GPATCH2: variants seen among roughly 807,000 people sequenced by gnomAD.
GPATCH2 encodes G-patch domain containing 2.
GPATCH2 carries 51 observed loss-of-function variants against 58.0 expected under a neutral mutation model. That is an observed-to-expected ratio of 0.88 (90% confidence interval 0.70 to 1.11). The LOEUF is 1.11. Ranked by LOEUF, GPATCH2 falls within the 50% of genes most tolerant of loss-of-function variation. The pLI, the probability that GPATCH2 is intolerant of heterozygous loss-of-function variation, is 0.00. For synonymous variants in GPATCH2, 222 were observed against 218.5 expected (o/e 1.02, Z -0.14); for missense variants, 625 against 652.2 (o/e 0.96, Z 0.45).
chr1:217,518,612 C>G (rs541788774), intron 5 of GPATCH2, among the ~76,000 whole-genome samples: 1 of 152,208 alleles, frequency 6.6e-6, no homozygotes, highest in Non-Finnish European at 1.5e-5. Flanking sequence ...ACAAGAGTCA[C>G]GTAAGATTAA....
intron 6 of GPATCH2, among the ~76,000 whole-genome samples, chr1:217,511,186 T>A (rs1216475134): frequency 2.0e-5 from 3 of 152,174 alleles, no homozygotes; most frequent in Non-Finnish European, 4.4e-5. Flanking sequence ...TTATGATGTA[T>A]TCATTAAATT....
rs1418646083 is a variant in GPATCH2 at position 217,430,151 on chromosome 1, A to G, written c.*994T>C. The stretch of plus-strand genomic sequence containing the variant: ...AACATCTTGGGTCCTAGAAAGGGCA[A>G]ATCAGTACCATTTACTTCTTTTGTT... On this transcript the variant is annotated 3_prime_UTR_variant, in exon 10 of 10. Coordinates refer to ENST00000366935, the MANE Select transcript of GPATCH2 (RefSeq NM_018040.5). 7.0e-6 allele frequency: 1 copy of G among 141,982 alleles called. No homozygotes were observed. Among genetic ancestry groups the G allele is most frequent in the Non-Finnish European group, 1.6e-5 (1 of 63,910 alleles). 8.8% of individuals were successfully genotyped at this position (141,982 alleles called of 1,614,324 possible). A position where few individuals can be genotyped will look rare whatever the true frequency, so the allele number is the denominator to read the frequency against.
intron 5 of GPATCH2, among the ~76,000 whole-genome samples, chr1:217,522,165 G>A (rs1373682406): frequency 6.6e-6 from 1 of 151,976 alleles, no homozygotes; most frequent in African/African-American, 2.4e-5. Context: ...CCTAGTTAAA[G>A]CCATTCTGCA....
intron 5 of GPATCH2, among the ~76,000 whole-genome samples, chr1:217,602,833 G>A (rs1378026475): frequency 6.6e-6 from 1 of 152,102 alleles, no homozygotes; most frequent in African/African-American, 2.4e-5. Flanking sequence ...TACAAAGAAT[G>A]CTTGTGAGTA....
intron 5 of GPATCH2, among the ~76,000 whole-genome samples, chr1:217,541,003 G>A (rs980954503): frequency 2.6e-5 from 4 of 152,138 alleles, no homozygotes; most frequent in South Asian, 2.1e-4. Context: ...TGTGACAACC[G>A]TAACTCCAGT....
rs539961594 is a variant in GPATCH2 at position 217,609,588 on chromosome 1, A to G, written c.1098+733T>C. On this transcript the variant is annotated intron_variant, in intron 5 of 9. Coordinates refer to ENST00000366935, the MANE Select transcript of GPATCH2 (RefSeq NM_018040.5). ...CCAAGTAGAAAGGAAGCTGAACAAA[A>G]TACAAACTCCAGCAAAGATTATCAA... is the stretch of plus-strand genomic sequence containing the variant. The G allele has an allele frequency of 6.9e-5, 68 of 984,712 alleles. No individual in the cohort carries two copies. In the Middle Eastern group the frequency reaches 2.1e-3, roughly 30 times the overall value. The allele number at this position is 984,712 out of a possible 1,614,324, so 61.0% of individuals were successfully genotyped here.
At chr1:217,512,310 A>G (rs900841346) in intron 6 of GPATCH2, among the ~76,000 whole-genome samples, 11 of 152,238 alleles carry the variant, frequency 7.2e-5, no homozygotes, top group African/African-American at 2.7e-4. Context: ...CCTGGGCAGC[A>G]GAGCAAGACC....
intron 5 of GPATCH2, among the ~76,000 whole-genome samples, chr1:217,579,373 G>GAA (rs143211918): frequency 2.7e-5 from 4 of 146,774 alleles, no homozygotes; most frequent in South Asian, 4.3e-4. Flanking sequence ...ACACAGACAA[G>GAA]AAAAAAAAAA....
chr1:217,470,835 T>C (rs1048054105), intron 8 of GPATCH2, among the ~76,000 whole-genome samples: 3 of 152,110 alleles, frequency 2.0e-5, no homozygotes, highest in Non-Finnish European at 2.9e-5. Flanking sequence ...GGAATATATA[T>C]GTAATTAAAT....
At chr1:217,454,446 G>T (rs371012101) in intron 8 of GPATCH2, among the ~76,000 whole-genome samples, 1 of 151,622 alleles carries the variant, frequency 6.6e-6, no homozygotes, top group Non-Finnish European at 1.5e-5. Flanking sequence ...AAAATTAGCC[G>T]GGCGTGGTGG....
chr1:217,533,471 C>A (rs1434936539), intron 5 of GPATCH2, among the ~76,000 whole-genome samples: 2 of 152,176 alleles, frequency 1.3e-5, no homozygotes, highest in Non-Finnish European at 2.9e-5. Context: ...TGGGGACCCA[C>A]TGAAAGAGTC....
chr1:217,469,433 TAAATC>T (rs1346746371), intron 8 of GPATCH2, among the ~76,000 whole-genome samples: 5 of 152,034 alleles, frequency 3.3e-5, no homozygotes, highest in Non-Finnish European at 7.4e-5. Context: ...GGTATACAAA[TAAATC>T]ACTAAGGAAT....
At chr1:217,431,983 T>C (rs1474865022) in intron 9 of GPATCH2, among the ~76,000 whole-genome samples, 1 of 152,022 alleles carries the variant, frequency 6.6e-6, no homozygotes, top group Non-Finnish European at 1.5e-5. Context: ...TTTCCTTCCA[T>C]GGCCATGTTT....
At chr1:217,569,387 T>C (rs1666425719) in intron 5 of GPATCH2, among the ~76,000 whole-genome samples, 1 of 152,018 alleles carries the variant, frequency 6.6e-6, no homozygotes, top group Non-Finnish European at 1.5e-5. Context: ...GAAGCAAGTA[T>C]TTAAGGTAAT....
chr1:217,450,468 T>C (rs1479659112), intron 8 of GPATCH2, among the ~76,000 whole-genome samples: 1 of 152,114 alleles, frequency 6.6e-6, no homozygotes, highest in Non-Finnish European at 1.5e-5. Context: ...TTATTTCAAA[T>C]ATAGATTTTA....
rs761998503 is a variant in GPATCH2, at chr1:217,614,203, CTG to C, written c.774-3_774-2del. 6.5e-7 allele frequency: 1 copy of C among 1,540,544 alleles called. No homozygotes were observed. The highest frequency in any genetic ancestry group is 9.0e-7 in the Non-Finnish European group (1 of 1,116,114). On this transcript the variant is annotated splice_acceptor_variant and splice_polypyrimidine_tract_variant and intron_variant, in intron 2 of 9. Transcript: ENST00000366935. LOFTEE classifies it high-confidence loss of function. ...AGTGCTGCTGAGACTGCTGGAATCA[CTG>C]TAATAAGGAAAAAGAAAGAAACAGA...
At chr1:217,600,480 G>C (rs191362900) in intron 5 of GPATCH2, among the ~76,000 whole-genome samples, 120 of 152,256 alleles carry the variant, frequency 7.9e-4, no homozygotes, top group African/African-American at 2.8e-3. Context: ...TTATTTGGAA[G>C]TGTTCTACCC....
At chr1:217,516,564 T>G (rs2102586940) in intron 5 of GPATCH2, among the ~76,000 whole-genome samples, 1 of 152,284 alleles carries the variant, frequency 6.6e-6, no homozygotes, top group Non-Finnish European at 1.5e-5. Flanking sequence ...AGTAATCCAT[T>G]TTCTACACTG....
At chr1:217,537,682 T>C (rs1354180572) in intron 5 of GPATCH2, among the ~76,000 whole-genome samples, 2 of 152,094 alleles carry the variant, frequency 1.3e-5, no homozygotes, top group African/African-American at 4.8e-5. Flanking sequence ...AATCAAACCA[T>C]TGAGGGCTTA....
Sources: allele counts gnomAD v4.1 joint callset (sites outside exome capture counted in the v4.1 genomes callset), GRCh38; gene constraint gnomAD v4.1.1; transcripts MANE v1.5; gene names NCBI Gene and HGNC (gene_info 2026-07-23, HGNC 2026-07-21).